ERICH3: variants seen among roughly 807,000 people sequenced by gnomAD.
ERICH3 encodes the protein glutamate-rich protein 3.
ERICH3 carries 126 observed loss-of-function variants against 131.1 expected under a neutral mutation model. The observed-to-expected ratio is 0.96, with a 90% CI of 0.83 to 1.11. ERICH3 has a LOEUF of 1.11. Ranked by LOEUF, ERICH3 falls within the 50% of genes most tolerant of loss-of-function variation. ERICH3 has a pLI of 0.00. For missense variants in ERICH3, 2,050 were observed against 1,810.7 expected (o/e 1.13, Z -2.40); for synonymous variants, 695 against 644.6 (o/e 1.08, Z -1.18).
intron 8 of ERICH3, among the ~76,000 whole-genome samples, chr1:74,617,557 C>T (rs970532026): frequency 6.6e-6 from 1 of 152,160 alleles, no homozygotes; most frequent in Non-Finnish European, 1.5e-5. Context: ...GCATGACTCT[C>T]AAAAACATTA....
At chr1:74,655,648 G>A (rs1450196928) in intron 1 of ERICH3, among the ~76,000 whole-genome samples, 1 of 152,084 alleles carries the variant, frequency 6.6e-6, no homozygotes, top group Non-Finnish European at 1.5e-5. Context: ...AATTCCATCT[G>A]CAACTTTTAT....
intron 10 of ERICH3, among the ~76,000 whole-genome samples, chr1:74,605,614 G>A (rs1448050648): frequency 6.6e-6 from 1 of 151,606 alleles, no homozygotes; most frequent in Non-Finnish European, 1.5e-5. Context: ...GTGGGTTAGG[G>A]AACAGAGAAG....
intron 7 of ERICH3, 151 bp downstream of exon 7, chr1:74,631,562 T>C (rs1646336483): frequency 3.2e-6 from 2 of 633,002 alleles, no homozygotes; most frequent in East Asian, 2.7e-5. Context: ...TGGTTTCAGA[T>C]ACATTCAAGC....
Position 74,612,678 on chromosome 1 carries a change from C to T in ERICH3, c.1132G>A (p.Gly378Ser). ...YKHRKGSRLG[G>S]KRGYFGFVCV... ...ACAAACCCAAAGTAGCCTCGTTTGC[C>T]TCCAAGCCTGGAACCTTTCCGATGC... The change falls in exon 9 of 15, where the codon GGC (glycine) becomes AGC (serine). Residue 378 changes from glycine (G) to serine (S), a missense_variant. Transcript: ENST00000326665. The T allele has an allele frequency of 6.3e-7, 1 of 1,596,288 alleles. No homozygotes were observed. Among genetic ancestry groups the T allele is most frequent in the Non-Finnish European group, 8.6e-7 (1 of 1,166,782 alleles).
At chr1:74,630,683 C>T (rs1646316068) in intron 7 of ERICH3, among the ~76,000 whole-genome samples, 1 of 151,858 alleles carries the variant, frequency 6.6e-6, no homozygotes, top group African/African-American at 2.4e-5. Context: ...ATAATTTGCT[C>T]CTTTATCTAA....
intron 13 of ERICH3, among the ~76,000 whole-genome samples, chr1:74,575,580 G>A (rs3845354): frequency 0.75 from 114,205 of 152,052 alleles, 44,749 homozygotes; most frequent in Non-Finnish European, 0.87. Context: ...ACAATAACGT[G>A]TGTCAAGTCT....
chr1:74,585,471 G>A (rs1337489893), intron 12 of ERICH3, among the ~76,000 whole-genome samples: 2 of 152,070 alleles, frequency 1.3e-5, no homozygotes, highest in East Asian at 3.8e-4. Flanking sequence ...AAGGTATGAA[G>A]GCAATGGCTG....
intron 3 of ERICH3, among the ~76,000 whole-genome samples, chr1:74,644,018 A>T (rs1646459293): frequency 6.6e-6 from 1 of 152,044 alleles, no homozygotes; most frequent in Admixed American, 6.6e-5. Flanking sequence ...GTAATATATT[A>T]TTCTATAATT....
intron 9 of ERICH3, among the ~76,000 whole-genome samples, chr1:74,608,305 T>A (rs1260663410): frequency 1.3e-5 from 2 of 152,030 alleles, no homozygotes; most frequent in Non-Finnish European, 2.9e-5. Flanking sequence ...TTTCTGGTAG[T>A]TATCAGTCTC....
chr1:74,599,712 A>G lies in ERICH3; in HGVS notation c.1709T>C (p.Leu570Pro), dbSNP rs373690346. ...CAACTCGCCTTGTTTATCCTCTTCC[A>G]GTTCACTCTCAGAGCATCCATCATT... ...DENDGCSESELEEDKQDMKTA... is the reference protein window; with the variant it reads ...DENDGCSESEPEEDKQDMKTA... The change falls in exon 11 of 15, where the codon CTG becomes CCG. Residue 570 changes from leucine to proline, a missense_variant. By Grantham distance (98) the Leu-to-Pro change is moderately conservative. Coordinates refer to ENST00000326665, the MANE Select transcript of ERICH3 (RefSeq NM_001002912.5). The G allele has an allele frequency of 4.7e-5, 76 of 1,609,948 alleles. No homozygotes were observed. Among genetic ancestry groups the G allele is most frequent in the East Asian group, 1.1e-4 (5 of 44,796 alleles).
intron 12 of ERICH3, among the ~76,000 whole-genome samples, chr1:74,587,784 A>G (rs1647402854): frequency 6.6e-6 from 1 of 152,180 alleles, no homozygotes; most frequent in Non-Finnish European, 1.5e-5. Flanking sequence ...GATACCTTAT[A>G]TGTATGAAAA....
intron 11 of ERICH3, among the ~76,000 whole-genome samples, chr1:74,593,893 G>A (rs1305263095): frequency 6.6e-6 from 1 of 152,078 alleles, no homozygotes; most frequent in African/African-American, 2.4e-5. Context: ...TTGCTAAAAG[G>A]CCTTCAGACA....
At chr1:74,579,479 C>A in intron 12 of ERICH3, 1 of 985,334 alleles carries the variant, frequency 1.0e-6, no homozygotes, top group Non-Finnish European at 1.2e-6. Flanking sequence ...TGCTGGCTTG[C>A]CCCTGGAGGA....
chr1:74,662,396 G>C (rs1646650397), intron 1 of ERICH3, among the ~76,000 whole-genome samples: 1 of 152,058 alleles, frequency 6.6e-6, no homozygotes, highest in Admixed American at 6.6e-5. Flanking sequence ...AAATCCCTAT[G>C]AGTTGTGGTG....
chr1:74,620,697 TCC>T, intron 8 of ERICH3, 35 bp downstream of exon 8: 1 of 1,513,104 alleles, frequency 6.6e-7, no homozygotes, highest in Non-Finnish European at 8.9e-7. Context: ...TAACATCAAC[TCC>T]AAGCAATTAA....
chr1:74,647,981 T>G (rs780709906), intron 2 of ERICH3, among the ~76,000 whole-genome samples: 24 of 152,144 alleles, frequency 1.6e-4, no homozygotes, highest in South Asian at 4.1e-4. Context: ...TGCTTAAACT[T>G]GACCATGCAT....
At chr1:74,661,987 G>A (rs994163417) in intron 1 of ERICH3, among the ~76,000 whole-genome samples, 13 of 152,268 alleles carry the variant, frequency 8.5e-5, no homozygotes, top group African/African-American at 1.7e-4. Flanking sequence ...GGAAAGATGC[G>A]TTTCAGACAG....
Position 74,665,288 on chromosome 1 carries a change from AC to A in ERICH3, c.23+8208del, listed in dbSNP as rs574811825. 2.6e-3 allele frequency among the ~76,000 whole-genome samples: 396 copies of A among 151,870 alleles called. 7 individuals carry two copies. The highest frequency in any genetic ancestry group is 0.024 in the Admixed American group (363 of 15,224). Reference sequence around the variant, plus strand: ...CTGCAAATGTCTCTTGGGCTCCCCAACCTCCAGAGCCGTGAGAAATAAAATT... The same window carrying A: ...CTGCAAATGTCTCTTGGGCTCCCCAACTCCAGAGCCGTGAGAAATAAAATT... On this transcript the variant is annotated intron_variant, in intron 1 of 14. Transcript: ENST00000326665.
intron 1 of ERICH3, among the ~76,000 whole-genome samples, chr1:74,657,129 A>G (rs1400749440): frequency 2.6e-5 from 4 of 152,222 alleles, no homozygotes; most frequent in Admixed American, 2.0e-4. Flanking sequence ...AAATAGAAGT[A>G]GTCTATGGCA....
Sources: gnomAD v4.1 joint callset for allele counts (sites outside exome capture counted in the v4.1 genomes callset) on GRCh38, gnomAD v4.1.1 for gene constraint, MANE v1.5 for transcripts, NCBI Gene and HGNC (gene_info 2026-07-23, HGNC 2026-07-21) for gene names.